DGKB: variants seen among roughly 807,000 people sequenced by gnomAD.
DGKB encodes diacylglycerol kinase beta.
DGKB carries 67 observed loss-of-function variants against 114.3 expected under a neutral mutation model. The ratio of observed to expected loss-of-function variants is 0.59; its 90% CI spans 0.48 to 0.72. The LOEUF (loss-of-function observed/expected upper bound fraction) is 0.72. DGKB is among the 30% of genes least tolerant of loss of function. DGKB has a pLI of 0.00. For synonymous variants in DGKB, 398 were observed against 323.1 expected, an observed-to-expected ratio of 1.23 and a Z score of -2.49; for missense variants, 907 against 975.2, an observed-to-expected ratio of 0.93 and a Z score of 0.93.
At chr7:14,296,760 GTTTTTTTTTT>G (rs56367420) in intron 23 of DGKB, among the ~76,000 whole-genome samples, 1 of 100,836 alleles carries the variant, frequency 9.9e-6, no homozygotes, top group Admixed American at 1.1e-4. Context: ...TCCAGGGACT[GTTTTTTTTTT>G]TTTTTTTTTT....
intron 23 of DGKB, among the ~76,000 whole-genome samples, chr7:14,201,272 T>G (rs1318299052): frequency 6.6e-6 from 1 of 151,872 alleles, no homozygotes; most frequent in Admixed American, 6.6e-5. Flanking sequence ...CCTCATAACT[T>G]AATCAACTCC....
intron 2 of DGKB, among the ~76,000 whole-genome samples, chr7:14,776,267 T>TA (rs1179919157): frequency 4.6e-5 from 7 of 152,260 alleles, no homozygotes; most frequent in Admixed American, 2.0e-4. Context: ...GATGATGCGA[T>TA]AAAAAAATAA....
At chr7:14,286,499 C>T (rs10950518) in intron 23 of DGKB, among the ~76,000 whole-genome samples, 132,720 of 152,166 alleles carry the variant, frequency 0.87, 58,214 homozygotes, top group African/African-American at 0.97. Context: ...GGTTAACTAT[C>T]GCTATTTTAA....
intron 1 of DGKB, among the ~76,000 whole-genome samples, chr7:14,867,743 G>C (rs2041370): frequency 0.35 from 52,490 of 151,892 alleles, 10,764 homozygotes; most frequent in Non-Finnish European, 0.45. Flanking sequence ...ACTCCTTTGA[G>C]AGCGCTCTTT....
At chr7:14,790,813 T>G (rs986578775) in intron 2 of DGKB, among the ~76,000 whole-genome samples, 1 of 152,180 alleles carries the variant, frequency 6.6e-6, no homozygotes, top group Non-Finnish European at 1.5e-5. Flanking sequence ...TAGCATACGC[T>G]TTAAATAAAC....
chr7:14,176,676 C>G (rs1332635988), intron 25 of DGKB, 163 bp downstream of exon 25: 2 of 1,432,102 alleles, frequency 1.4e-6, no homozygotes, highest in Non-Finnish European at 9.2e-7. Flanking sequence ...ATGTCTACAA[C>G]CTAAATGTAG....
At chr7:14,928,411 TC>T (rs1784847914) in intron 1 of DGKB, among the ~76,000 whole-genome samples, 2 of 151,958 alleles carry the variant, frequency 1.3e-5, no homozygotes, top group African/African-American at 4.8e-5. Flanking sequence ...TTTCCTCTGT[TC>T]ACTCAAAAAT....
chr7:14,637,534 GTA>G lies in DGKB; in HGVS notation c.1135-7268_1135-7267del, dbSNP rs779983979. Among the ~76,000 whole-genome samples, 16 of 150,026 alleles carry G rather than the reference GTA, an allele frequency of 1.1e-4. No homozygotes were observed. The South Asian group carries it at 2.3e-3, about 22-fold the overall frequency. ...TCTATAAGATTATATATATATGTGT[GTA>G]TATATATATACATGTGTGTATACAT... is the stretch of plus-strand genomic sequence containing the variant. On this transcript the variant is annotated intron_variant, in intron 13 of 25. Coordinates refer to ENST00000402815, the MANE Select transcript of DGKB (RefSeq NM_001350709.2).
At chr7:14,817,570 A>G (rs1844333398) in intron 2 of DGKB, among the ~76,000 whole-genome samples, 1 of 152,214 alleles carries the variant, frequency 6.6e-6, no homozygotes, top group Non-Finnish European at 1.5e-5. Flanking sequence ...TAAGGTTGTA[A>G]AAATTTTTCT....
At chr7:14,849,662 T>C (rs913756739) in intron 1 of DGKB, among the ~76,000 whole-genome samples, 3 of 152,140 alleles carry the variant, frequency 2.0e-5, no homozygotes, top group African/African-American at 7.2e-5. Flanking sequence ...CAGGACACAT[T>C]TCTTTTTGGA....
intron 23 of DGKB, among the ~76,000 whole-genome samples, chr7:14,335,391 C>G (rs1035916624): frequency 2.0e-5 from 3 of 151,788 alleles, no homozygotes; most frequent in African/African-American, 7.3e-5. Flanking sequence ...CCCCCATTTT[C>G]TCCCCCTCCA....
intron 21 of DGKB, among the ~76,000 whole-genome samples, chr7:14,350,180 G>A (rs892473062): frequency 2.6e-5 from 4 of 151,976 alleles, no homozygotes; most frequent in Admixed American, 6.6e-5. Context: ...CTTCTTTTAC[G>A]TATCCTGAGT....
At chr7:14,813,217 T>G (rs1350508167) in intron 2 of DGKB, among the ~76,000 whole-genome samples, 1 of 152,234 alleles carries the variant, frequency 6.6e-6, no homozygotes, top group Non-Finnish European at 1.5e-5. Flanking sequence ...TGCTTTAAGC[T>G]ATTTTTATTT....
chr7:14,310,147 G>T (rs1405316537), intron 23 of DGKB, among the ~76,000 whole-genome samples: 1 of 152,112 alleles, frequency 6.6e-6, no homozygotes, highest in Non-Finnish European at 1.5e-5. Flanking sequence ...TGGAAAGCTA[G>T]AAATCCCGCA....
intron 21 of DGKB, among the ~76,000 whole-genome samples, chr7:14,424,732 C>G (rs1827238533): frequency 6.6e-6 from 1 of 152,050 alleles, no homozygotes; most frequent in Non-Finnish European, 1.5e-5. Flanking sequence ...TGCTTCAAAA[C>G]TCTCCCAATT....
chr7:14,163,740 C>T (rs557543625), intron 25 of DGKB, among the ~76,000 whole-genome samples: 5 of 152,264 alleles, frequency 3.3e-5, no homozygotes, highest in South Asian at 2.1e-4. Flanking sequence ...CCCCTGTAAT[C>T]CCAGCACTTT....
At position 14,299,240 on chromosome 7, in the gene DGKB, A is replaced by AAAAGT. The variant is rs1459472651; in HGVS notation, c.2122+39274_2122+39275insACTTT. Among the ~76,000 whole-genome samples, 11 of 152,250 alleles carry AAAAGT rather than the reference A, an allele frequency of 7.2e-5. No homozygotes were observed. The East Asian group carries it at 1.9e-3, about 27-fold the overall frequency. On this transcript the variant is annotated intron_variant, in intron 23 of 25. Transcript: ENST00000402815. ...GGAAAGGTAAGTAGAAGCAGATAGAAAAAGAGGCATTTCATAATCATTTCA... is the reference window on the plus strand; with the variant it reads ...GGAAAGGTAAGTAGAAGCAGATAGAAAAAGTAAAGAGGCATTTCATAATCATTTCA...
chr7:14,660,740 C>A (rs1164781128), intron 13 of DGKB, among the ~76,000 whole-genome samples: 19 of 151,902 alleles, frequency 1.3e-4, no homozygotes, highest in African/African-American at 4.3e-4. Flanking sequence ...GAGCCCGCAT[C>A]GCCAAGTCAA....
chr7:14,619,053 T>C (rs574634916), intron 15 of DGKB, among the ~76,000 whole-genome samples: 5 of 151,692 alleles, frequency 3.3e-5, no homozygotes, highest in African/African-American at 1.2e-4. Flanking sequence ...TTATTTTTTT[T>C]CTCCAAAACT....
Sources: allele counts gnomAD v4.1 joint callset (sites outside exome capture counted in the v4.1 genomes callset), GRCh38; gene constraint gnomAD v4.1.1; transcripts MANE v1.5; gene names NCBI Gene and HGNC (gene_info 2026-07-23, HGNC 2026-07-21).